CHL1: variants seen among roughly 807,000 people sequenced by gnomAD.
CHL1 encodes neural cell adhesion molecule L1-like protein.
In CHL1, 96 loss-of-function variants were observed where a neutral mutation model predicts 141.9. That is an observed-to-expected ratio of 0.68 (90% CI 0.57 to 0.80). CHL1 has a LOEUF of 0.80. CHL1 is among the 30% of genes least tolerant of loss of function. The pLI, the probability that CHL1 is intolerant of heterozygous loss-of-function variation, is 0.00. For synonymous variants in CHL1, 613 were observed against 502.2 expected (o/e 1.22, Z -2.95); for missense variants, 1,820 against 1,457.2 (o/e 1.25, Z -4.05).
chr3:228,686 G>C (rs990844648), intron 1 of CHL1, among the ~76,000 whole-genome samples: 6 of 152,140 alleles, frequency 3.9e-5, no homozygotes, highest in Admixed American at 3.9e-4. Flanking sequence ...CCCTGTGAGA[G>C]GCCAGTAATA....
At chr3:226,736 C>T (rs913340031) in intron 1 of CHL1, among the ~76,000 whole-genome samples, 2 of 152,092 alleles carry the variant, frequency 1.3e-5, no homozygotes, top group African/African-American at 2.4e-5. Flanking sequence ...CGTAAGCCAC[C>T]GCGCCCGACC....
chr3:313,551 C>CTGT (rs532821479), intron 2 of CHL1, among the ~76,000 whole-genome samples: 39 of 152,046 alleles, frequency 2.6e-4, no homozygotes, highest in Non-Finnish European at 4.4e-4. Flanking sequence ...GACATCATGA[C>CTGT]TGTTAGGTGA....
At chr3:312,090 A>T (rs1699796753) in intron 2 of CHL1, among the ~76,000 whole-genome samples, 1 of 152,242 alleles carries the variant, frequency 6.6e-6, no homozygotes. Flanking sequence ...TATATAGGTT[A>T]TATTCAATTA....
chr3:294,500 T>G (rs1238233085), intron 2 of CHL1, among the ~76,000 whole-genome samples: 1 of 152,200 alleles, frequency 6.6e-6, no homozygotes, highest in Non-Finnish European at 1.5e-5. Context: ...CTTAAAACGG[T>G]AACCACAAAC....
chr3:375,644 C>T (rs1227437026), intron 15 of CHL1, among the ~76,000 whole-genome samples: 1 of 151,932 alleles, frequency 6.6e-6, no homozygotes, highest in Non-Finnish European at 1.5e-5. Context: ...TGAATGAAAT[C>T]AACTTGATTA....
In CHL1 at chr3:349,390, G is replaced by C. The variant is rs1703051078; in HGVS notation, c.880G>C (p.Gly294Arg). 3.1e-6 allele frequency: 5 copies of C among 1,613,654 alleles called. No homozygotes were observed. The African/African-American group carries it at 6.7e-5, about 22-fold the overall frequency. ...TCCACAGGTTGATTGGAACAAAATTGGTGGTGACTTACCAAAGGGGAGAGA... is the reference window on the plus strand; with the variant it reads ...TCCACAGGTTGATTGGAACAAAATTCGTGGTGACTTACCAAAGGGGAGAGA... The part of the protein sequence containing the change: ...PTPQVDWNKI[G>R]GDLPKGRETK... The change falls in exon 10 of 28, where the codon GGT (glycine) becomes CGT (arginine). Residue 294 changes from glycine (G) to arginine (R), a missense_variant. Transcript: ENST00000256509.
intron 12 of CHL1, 36 bp from the exon 13 acceptor site, chr3:361,663 A>G (rs1348119598): frequency 2.0e-5 from 30 of 1,467,812 alleles, no homozygotes; most frequent in South Asian, 3.4e-5. Context: ...TTCTTCCACA[A>G]AAGTTTAAAA....
intron 15 of CHL1, among the ~76,000 whole-genome samples, chr3:372,526 C>A (rs1393184249): frequency 6.6e-6 from 1 of 152,082 alleles, no homozygotes; most frequent in Non-Finnish European, 1.5e-5. Flanking sequence ...TATCAAGGTT[C>A]TTAGCTTCCT....
chr3:387,242 A>C (rs1426106906), intron 19 of CHL1, among the ~76,000 whole-genome samples: 1 of 152,160 alleles, frequency 6.6e-6, no homozygotes, highest in Non-Finnish European at 1.5e-5. Context: ...ATACACATGT[A>C]CCCCATCTAG....
chr3:380,209 T>A (rs376498536), intron 16 of CHL1, among the ~76,000 whole-genome samples: 9 of 152,316 alleles, frequency 5.9e-5, no homozygotes, highest in African/African-American at 2.2e-4. Flanking sequence ...AGAATTAACT[T>A]TTTATTTATG....
At chr3:359,258 TC>T (rs1703992188) in intron 11 of CHL1, among the ~76,000 whole-genome samples, 1 of 151,898 alleles carries the variant, frequency 6.6e-6, no homozygotes, top group Non-Finnish European at 1.5e-5. Flanking sequence ...GAGTTTTTGG[TC>T]CTTAAATGCA....
At chr3:215,525 G>A (rs1700243354) in intron 1 of CHL1, among the ~76,000 whole-genome samples, 1 of 152,164 alleles carries the variant, frequency 6.6e-6, no homozygotes, top group Non-Finnish European at 1.5e-5. Context: ...ATTATAGTTT[G>A]TATTTCCAAA....
At chr3:264,201 T>G (rs145357030) in intron 2 of CHL1, among the ~76,000 whole-genome samples, 2 of 152,196 alleles carry the variant, frequency 1.3e-5, no homozygotes, top group African/African-American at 2.4e-5. Context: ...GAATAGGAGA[T>G]ATGAATTATT....
At chr3:355,192 C>A (rs772502125) in intron 11 of CHL1, among the ~76,000 whole-genome samples, 1 of 152,146 alleles carries the variant, frequency 6.6e-6, no homozygotes, top group South Asian at 2.1e-4. Flanking sequence ...GGGCTCTGCC[C>A]TTTTAAGGGA....
At chr3:361,986 G>A (rs1197826018) in intron 13 of CHL1, among the ~76,000 whole-genome samples, 176 bp downstream of exon 13, 2 of 152,138 alleles carry the variant, frequency 1.3e-5, no homozygotes, top group East Asian at 3.8e-4. Context: ...TGAAAGCATT[G>A]GCTAGATTTC....
At chr3:296,660 AGCTTAGGTCATGAGCCT>A (rs1698213824) in intron 2 of CHL1, among the ~76,000 whole-genome samples, 1 of 152,174 alleles carries the variant, frequency 6.6e-6, no homozygotes, top group Admixed American at 6.5e-5. Flanking sequence ...TGGATGCCCC[AGCTTAGGTCATGAGCCT>A]GCACTTGGGA....
At position 261,127 on chromosome 3, in the gene CHL1, G is replaced by C. The variant is rs951192791; in HGVS notation, c.-95+16435G>C. Among the ~76,000 whole-genome samples the C allele has an allele frequency of 3.9e-4, 60 of 152,092 alleles. 1 individual carries two copies. The highest frequency in any genetic ancestry group is 5.9e-5 in the Non-Finnish European group (4 of 68,030). On this transcript the variant is annotated intron_variant, in intron 2 of 27. Coordinates refer to ENST00000256509, the MANE Select transcript of CHL1 (RefSeq NM_006614.4). ...GGGCACACCCTATGGCTTTACCCTT[G>C]ATCATTGCACAAAAAGAAGAGCCAA...
At chr3:343,292 A>G (rs1204106999) in intron 8 of CHL1, among the ~76,000 whole-genome samples, 1 of 152,148 alleles carries the variant, frequency 6.6e-6, no homozygotes, top group Non-Finnish European at 1.5e-5. Context: ...TATTTAATGG[A>G]GTAATTATTT....
At chr3:275,269 T>C (rs1428090908) in intron 2 of CHL1, among the ~76,000 whole-genome samples, 1 of 152,244 alleles carries the variant, frequency 6.6e-6, no homozygotes. Flanking sequence ...TGGAGGCATT[T>C]TGCTACTTTA....
Sources: gnomAD v4.1 joint callset for allele counts (sites outside exome capture counted in the v4.1 genomes callset) on GRCh38, gnomAD v4.1.1 for gene constraint, MANE v1.5 for transcripts, NCBI Gene and HGNC (gene_info 2026-07-23, HGNC 2026-07-21) for gene names.